RPGRIP1L: variants seen among roughly 807,000 people sequenced by gnomAD.
RPGRIP1L encodes protein fantom.
A neutral mutation model predicts 160.4 loss-of-function variants in RPGRIP1L; 131 were observed. That is an observed-to-expected ratio of 0.82 (90% confidence interval 0.71 to 0.94). The LOEUF is 0.94. RPGRIP1L is among the 40% of genes least tolerant of loss of function. The probability of loss-of-function intolerance (pLI) is 0.00; values close to 1 mark genes in which losing one functional copy is unlikely to be tolerated. For missense variants in RPGRIP1L, 1,522 were observed against 1,535.8 expected (o/e 0.99, Z 0.15); for synonymous variants, 510 against 515.8 (o/e 0.99, Z 0.15).
At chr16:53,700,031 T>C (rs971599716) in intron 2 of RPGRIP1L, among the ~76,000 whole-genome samples, 3 of 152,174 alleles carry the variant, frequency 2.0e-5, no homozygotes, top group Non-Finnish European at 4.4e-5. Context: ...TGATAATCGA[T>C]ACATGCATGA....
intron 22 of RPGRIP1L, among the ~76,000 whole-genome samples, chr16:53,636,091 T>C (rs1411175863): frequency 6.6e-6 from 1 of 152,194 alleles, no homozygotes. Flanking sequence ...TCAAAGAGCA[T>C]CTCACATTTT....
chr16:53,649,895 C>T (rs536299889), intron 15 of RPGRIP1L, among the ~76,000 whole-genome samples: 3 of 152,324 alleles, frequency 2.0e-5, no homozygotes, highest in East Asian at 3.9e-4. Flanking sequence ...TATACTCCTA[C>T]TACAGGGACT....
At position 53,657,520 on chromosome 16, in the gene RPGRIP1L, G is replaced by A. The variant is rs752275762; in HGVS notation, c.1514C>T (p.Thr505Met). Residue 505 changes from threonine to methionine, a missense_variant, in exon 13 of 27, where the codon ACG becomes ATG. Physicochemically the swap from Thr to Met is moderately conservative, Grantham distance 81. Transcript: ENST00000647211. Reference sequence around the variant, plus strand: ...TCTTGTCTTTTCCAGCTCTTGCACCGTTTCTGCATGAGTTGCTTGCAGCTC... The same window carrying A: ...TCTTGTCTTTTCCAGCTCTTGCACCATTTCTGCATGAGTTGCTTGCAGCTC... ...MRELQATHAE[T>M]VQELEKTRNM... 6.8e-6 allele frequency: 11 copies of A among 1,612,242 alleles called. No homozygotes were observed. The highest frequency in any genetic ancestry group is 1.7e-5 in the Admixed American group (1 of 59,926).
intron 22 of RPGRIP1L, among the ~76,000 whole-genome samples, chr16:53,636,016 T>C (rs1965812925): frequency 6.6e-6 from 1 of 152,206 alleles, no homozygotes; most frequent in South Asian, 2.1e-4. Context: ...AACTGTAACA[T>C]ATTATCAGTG....
At chr16:53,643,948 A>G (rs181746254) in intron 17 of RPGRIP1L, among the ~76,000 whole-genome samples, 11 of 152,346 alleles carry the variant, frequency 7.2e-5, no homozygotes, top group Admixed American at 5.9e-4. Context: ...GCTATTATCC[A>G]TATGTTCAAA....
At chr16:53,668,651 A>G (rs574932548) in intron 9 of RPGRIP1L, among the ~76,000 whole-genome samples, 2 of 152,324 alleles carry the variant, frequency 1.3e-5, no homozygotes, top group Non-Finnish European at 2.9e-5. Context: ...TATCAGTTAC[A>G]TGGCCCCAAC....
intron 3 of RPGRIP1L, chr16:53,695,417 C>G (rs781248468): frequency 1.4e-6 from 1 of 702,942 alleles, no homozygotes; most frequent in Non-Finnish European, 2.6e-6. Context: ...CAGAAAAACC[C>G]TATTTTCATT....
intron 14 of RPGRIP1L, chr16:53,655,654 C>T (rs968715651): frequency 6.6e-6 from 1 of 152,114 alleles, no homozygotes; most frequent in Non-Finnish European, 1.5e-5. Context: ...TTTTTTTCAA[C>T]ATGTAGTCTT....
At chr16:53,605,709 A>G in intron 25 of RPGRIP1L, 95 bp from the exon 26 acceptor site, 1 of 1,267,106 alleles carries the variant, frequency 7.9e-7, no homozygotes, top group Non-Finnish European at 1.1e-6. Flanking sequence ...TAGGTATAAA[A>G]TGTTAAAGTT....
Position 53,598,543 on chromosome 16 carries a change from TGAG to T in RPGRIP1L, c.*3530_*3532del, listed in dbSNP as rs1447234866. 22 of 152,336 alleles carry T rather than the reference TGAG, an allele frequency of 1.4e-4. No homozygotes were observed. The East Asian group carries it at 2.5e-3, about 17-fold the overall frequency. The allele number at this position is 152,336 out of a possible 1,614,324, so 9.4% of individuals were successfully genotyped here. On this transcript the variant is annotated 3_prime_UTR_variant, in exon 27 of 27. Transcript: ENST00000647211. Reference sequence around the variant, plus strand: ...CCTTGTAAGATAAAAGAGATTAGGATGAGGAGATGTTTTCTAATTCTATATTTT... The same window carrying T: ...CCTTGTAAGATAAAAGAGATTAGGATGAGATGTTTTCTAATTCTATATTTT...
intron 25 of RPGRIP1L, among the ~76,000 whole-genome samples, chr16:53,609,813 T>C (rs1488903802): frequency 6.6e-6 from 1 of 152,138 alleles, no homozygotes; most frequent in Admixed American, 6.6e-5. Flanking sequence ...CTGGGAAAAG[T>C]AGAGCCTCAG....
At chr16:53,609,911 A>G (rs1478384298) in intron 25 of RPGRIP1L, among the ~76,000 whole-genome samples, 1 of 152,108 alleles carries the variant, frequency 6.6e-6, no homozygotes, top group Non-Finnish European at 1.5e-5. Flanking sequence ...CAGAAGATAA[A>G]ATGCTAGTTT....
intron 3 of RPGRIP1L, chr16:53,694,049 G>C (rs530020605): frequency 6.6e-6 from 1 of 152,074 alleles, no homozygotes; most frequent in Non-Finnish European, 1.5e-5. Context: ...TGTTTGTCTC[G>C]TAATAGCCAT....
chr16:53,605,351 C>G, intron 26 of RPGRIP1L, 130 bp downstream of exon 26: 1 of 1,021,430 alleles, frequency 9.8e-7, no homozygotes, highest in Non-Finnish European at 1.5e-6. Flanking sequence ...AAAGCGTCAA[C>G]TTGAGTTGTA....
intron 16 of RPGRIP1L, among the ~76,000 whole-genome samples, chr16:53,647,755 A>G (rs962641652): frequency 1.3e-5 from 2 of 152,206 alleles, no homozygotes; most frequent in Admixed American, 6.5e-5. Context: ...TGTTTCTACT[A>G]TATCTTATCC....
chr16:53,653,019 C>A, intron 14 of RPGRIP1L, 32 bp from the exon 15 acceptor site: 6 of 1,556,746 alleles, frequency 3.9e-6, no homozygotes, highest in South Asian at 1.1e-5. Flanking sequence ...TTAGAGATTT[C>A]AAAATATTGA....
intron 15 of RPGRIP1L, among the ~76,000 whole-genome samples, chr16:53,649,844 G>A (rs980246148): frequency 3.3e-5 from 5 of 152,030 alleles, no homozygotes; most frequent in Non-Finnish European, 5.9e-5. Flanking sequence ...TCTCTAATAC[G>A]CCATAAGTTT....
intron 22 of RPGRIP1L, among the ~76,000 whole-genome samples, chr16:53,629,532 A>G (rs182242883): frequency 2.0e-5 from 3 of 152,354 alleles, no homozygotes; most frequent in Non-Finnish European, 4.4e-5. Flanking sequence ...GGAGACTTCT[A>G]ACATCTTTAT....
At chr16:53,618,191 C>T (rs555492400) in intron 24 of RPGRIP1L, among the ~76,000 whole-genome samples, 1 of 152,268 alleles carries the variant, frequency 6.6e-6, no homozygotes, top group East Asian at 1.9e-4. Context: ...CTGCCTGCTG[C>T]TATGAATGGA....
Sources: allele counts gnomAD v4.1 joint callset (sites outside exome capture counted in the v4.1 genomes callset), GRCh38; gene constraint gnomAD v4.1.1; transcripts MANE v1.5; gene names NCBI Gene and HGNC (gene_info 2026-07-23, HGNC 2026-07-21).